The following ZNF565 variants were observed in gnomAD, a reference collection of about 807,000 sequenced individuals.
ZNF565 encodes the protein zinc finger protein 565.
A neutral mutation model predicts 39.4 loss-of-function variants in ZNF565; 27 were observed. The observed-to-expected ratio is 0.69, with a 90% CI of 0.51 to 0.95. ZNF565 has a LOEUF of 0.95. Ranked by LOEUF, ZNF565 falls within the 40% of genes least tolerant of loss-of-function variation. ZNF565 has a pLI of 0.00. For missense variants in ZNF565, 524 were observed against 621.1 expected, an observed-to-expected ratio of 0.84 and a Z score of 1.66; for synonymous variants, 185 against 216.6, an observed-to-expected ratio of 0.85 and a Z score of 1.28.
chr19:36,226,231 A>G (rs1185815147), intron 1 of ZNF565, among the ~76,000 whole-genome samples: 2 of 152,188 alleles, frequency 1.3e-5, no homozygotes, highest in East Asian at 3.9e-4. Flanking sequence ...CTCTGAATGT[A>G]TAGAGTCTCA....
chr19:36,199,506 C>CTTTTTTTTTTT lies in ZNF565; in HGVS notation c.9+2460_9+2470dup, dbSNP rs1183093969. Among the ~76,000 whole-genome samples, 5 of 128,916 alleles carry CTTTTTTTTTTT rather than the reference C, an allele frequency of 3.9e-5. No individual in the cohort carries two copies. In the East Asian group the frequency reaches 6.9e-4, roughly 18 times the overall value. The allele number at this position is 128,916 out of a possible 152,430, so 84.6% of individuals were successfully genotyped here. On this transcript the variant is annotated intron_variant, in intron 2 of 4. Transcript: ENST00000304116. The stretch of plus-strand genomic sequence containing the variant: ...CTTTTAAATGAATTTCTTTCTTTCT[C>CTTTTTTTTTTT]TTTTTTTTTTTTTTTTTTTGAGACA...
intron 1 of ZNF565, among the ~76,000 whole-genome samples, chr19:36,221,857 C>CATG (rs1976855147): frequency 6.6e-6 from 1 of 151,600 alleles, no homozygotes; most frequent in South Asian, 2.1e-4. Flanking sequence ...TAGCATACCA[C>CATG]ATGCACCTCC....
intron 1 of ZNF565, among the ~76,000 whole-genome samples, chr19:36,209,256 C>T (rs376756945): frequency 9.9e-5 from 15 of 152,216 alleles, no homozygotes; most frequent in African/African-American, 2.9e-4. Flanking sequence ...CGGGGCTGGG[C>T]GCAGTGGCTC....
Position 36,182,389 on chromosome 19 carries a change from A to G in ZNF565, c.*77T>C, listed in dbSNP as rs1298087016. On this transcript the variant is annotated 3_prime_UTR_variant, in exon 5 of 5. Transcript: ENST00000304116. ...TGTTTTCTGACATTAATTACACTAC[A>G]TTAAAAATTACCTAGTACTGAGCCA... The G allele has an allele frequency of 1.5e-6, 2 of 1,305,474 alleles. No homozygotes were observed. The highest frequency in any genetic ancestry group is 4.7e-5 in the East Asian group (2 of 42,192). 80.9% of individuals were successfully genotyped at this position (1,305,474 alleles called of 1,614,324 possible).
chr19:36,221,644 CTG>C (rs1976843783), intron 1 of ZNF565, among the ~76,000 whole-genome samples: 1 of 152,128 alleles, frequency 6.6e-6, no homozygotes, highest in East Asian at 1.9e-4. Context: ...TAATGCATTT[CTG>C]TGATTCAACA....
In ZNF565 at chr19:36,183,226, C is replaced by G. The variant is rs901859194; in HGVS notation, c.740G>C (p.Gly247Ala). The G allele has an allele frequency of 6.2e-7, 1 of 1,614,008 alleles. No homozygotes were observed. The highest frequency in any genetic ancestry group is 8.5e-7 in the Non-Finnish European group (1 of 1,180,052). Residue 247 changes from glycine (G) to alanine (A), a missense_variant, in exon 5 of 5, where the codon GGT becomes GCT. Coordinates refer to ENST00000304116, the MANE Select transcript of ZNF565 (RefSeq NM_152477.5). ...TTCTTTACATTCATAAGGTTTGACACCAGTATGAAGTCTCTGATGTAGAAT... is the reference window on the plus strand; with the variant it reads ...TTCTTTACATTCATAAGGTTTGACAGCAGTATGAAGTCTCTGATGTAGAAT... Reference protein sequence around the residue: ...ELILHQRLHTGVKPYECKECG... With the variant: ...ELILHQRLHTAVKPYECKECG...
intron 2 of ZNF565, among the ~76,000 whole-genome samples, 189 bp downstream of exon 2, chr19:36,201,788 G>C (rs899430464): frequency 5.9e-5 from 9 of 152,116 alleles, no homozygotes; most frequent in African/African-American, 1.7e-4. Context: ...GCTCTGCTAA[G>C]AGGACTACAG....
At chr19:36,244,171 TTCTCTC>T (rs891514032) in intron 1 of ZNF565, among the ~76,000 whole-genome samples, 3 of 152,140 alleles carry the variant, frequency 2.0e-5, no homozygotes, top group African/African-American at 7.2e-5. Context: ...TGTCCTCTCT[TTCTCTC>T]TCTCTATTCT....
chr19:36,182,372 G>C lies in ZNF565; in HGVS notation c.*94C>G. On this transcript the variant is annotated 3_prime_UTR_variant, in exon 5 of 5. Coordinates refer to ENST00000304116, the MANE Select transcript of ZNF565 (RefSeq NM_152477.5). The stretch of plus-strand genomic sequence containing the variant: ...ATGATGGAAGTGACAGGTGTTTTCT[G>C]ACATTAATTACACTACATTAAAAAT... 9.2e-7 allele frequency: 1 copy of C among 1,084,950 alleles called. No homozygotes were observed. The highest frequency in any genetic ancestry group is 1.3e-6 in the Non-Finnish European group (1 of 795,918). 67.2% of individuals were successfully genotyped at this position (1,084,950 alleles called of 1,614,324 possible). A position where few individuals can be genotyped will look rare whatever the true frequency, so the allele number is the denominator to read the frequency against.
chr19:36,185,150 C>T lies in ZNF565; in HGVS notation c.233-1417G>A, dbSNP rs1000883655. 4.0e-5 allele frequency among the ~76,000 whole-genome samples: 6 copies of T among 150,186 alleles called. 1 individual carries two copies. The highest frequency in any genetic ancestry group is 7.4e-5 in the Non-Finnish European group (5 of 67,684). ...AAAAAAAGGGCTGGGTGCAGTGGCT[C>T]ATGTCTGTAATCACAGCACTTTGGG... On this transcript the variant is annotated intron_variant, in intron 4 of 4. Transcript: ENST00000304116.
chr19:36,234,540 G>A (rs1977561083), intron 1 of ZNF565, among the ~76,000 whole-genome samples: 1 of 152,102 alleles, frequency 6.6e-6, no homozygotes, highest in Admixed American at 6.6e-5. Context: ...TTTGCATCTG[G>A]TTGCTCGCCA....
intron 4 of ZNF565, among the ~76,000 whole-genome samples, chr19:36,189,557 G>A (rs1390584698): frequency 2.0e-5 from 3 of 151,356 alleles, no homozygotes; most frequent in African/African-American, 7.3e-5. Flanking sequence ...CCTGATCTCA[G>A]GTGATCTGCC....
intron 4 of ZNF565, among the ~76,000 whole-genome samples, chr19:36,186,380 G>T (rs1356461281): frequency 1.3e-5 from 2 of 152,128 alleles, no homozygotes; most frequent in African/African-American, 4.8e-5. Context: ...CTTGTACTCT[G>T]TAACACTTTT....
intron 1 of ZNF565, among the ~76,000 whole-genome samples, chr19:36,240,093 GTGT>G (rs905053440): frequency 3.9e-5 from 6 of 152,066 alleles, no homozygotes; most frequent in Non-Finnish European, 7.4e-5. Context: ...ACATTTAAAG[GTGT>G]TGTCTTTATG....
intron 1 of ZNF565, among the ~76,000 whole-genome samples, chr19:36,202,504 T>C (rs564820949): frequency 6.6e-5 from 10 of 152,104 alleles, no homozygotes; most frequent in African/African-American, 2.2e-4. Context: ...GCTCCAGCAC[T>C]GACACAGAAC....
intron 1 of ZNF565, among the ~76,000 whole-genome samples, chr19:36,211,883 TAAC>T (rs1361469732): frequency 6.6e-6 from 1 of 151,500 alleles, no homozygotes; most frequent in African/African-American, 2.4e-5. Flanking sequence ...AAATAGCTGG[TAAC>T]AACTTTTTCA....
intron 1 of ZNF565, among the ~76,000 whole-genome samples, chr19:36,227,886 C>CA (rs2033108906): frequency 6.6e-6 from 1 of 152,160 alleles, no homozygotes. Flanking sequence ...TAGGACACGG[C>CA]ACGGTGGCTT....
chr19:36,189,397 C>T (rs961334418), intron 4 of ZNF565, among the ~76,000 whole-genome samples: 8 of 151,806 alleles, frequency 5.3e-5, no homozygotes, highest in African/African-American at 1.9e-4. Flanking sequence ...TCACTGCAAC[C>T]TCCGCCTCCC....
rs55846524 is a variant in ZNF565 at position 36,196,273 on chromosome 19, A to G, written c.10-1117T>C. On this transcript the variant is annotated intron_variant, in intron 2 of 4. Coordinates refer to ENST00000304116, the MANE Select transcript of ZNF565 (RefSeq NM_152477.5). ...TTTTGTTTGGTAGAGACAGAATCTC[A>G]CTATGTTACCCAGGCTGGCCTCAAA... Among the ~76,000 whole-genome samples, 864 of 152,064 alleles carry G rather than the reference A, an allele frequency of 5.7e-3. 12 individuals are homozygous for G. Among genetic ancestry groups the G allele is most frequent in the African/African-American group, 0.02 (836 of 41,504 alleles).
Sources: gnomAD v4.1 joint callset for allele counts (sites outside exome capture counted in the v4.1 genomes callset) on GRCh38, gnomAD v4.1.1 for gene constraint, MANE v1.5 for transcripts, NCBI Gene and HGNC (gene_info 2026-07-23, HGNC 2026-07-21) for gene names.